The following GRID1 variants were observed in gnomAD, a reference collection of about 807,000 sequenced individuals.
The protein encoded by GRID1 is glutamate receptor ionotropic, delta-1.
GRID1 carries 28 observed loss-of-function variants against 98.0 expected under a neutral mutation model. The ratio of observed to expected loss-of-function variants is 0.29; its 90% CI spans 0.21 to 0.39. The LOEUF (loss-of-function observed/expected upper bound fraction) is 0.39. Among genes scored for constraint, GRID1 ranks in the 10% least tolerant of loss-of-function variants. The probability of loss-of-function intolerance (pLI) is 1.00; values close to 1 mark genes in which losing one functional copy is unlikely to be tolerated. For synonymous variants in GRID1, 553 were observed against 538.5 expected (o/e 1.03, Z -0.37); for missense variants, 1,111 against 1,340.5 (o/e 0.83, Z 2.67).
chr10:86,206,233 C>T lies in GRID1; in HGVS notation c.520+131G>A. 2 of 737,266 alleles carry T rather than the reference C, an allele frequency of 2.7e-6. No individual in the cohort carries two copies. The highest frequency in any genetic ancestry group is 4.3e-6 in the Non-Finnish European group (2 of 462,684). 45.7% of individuals were successfully genotyped at this position (737,266 alleles called of 1,614,324 possible). ...CTGACTCATGAAGCTCGAGGTTTGA[C>T]CCTATCACCTGGAGGCCCACTCAGC... On this transcript the variant is annotated intron_variant, in intron 3 of 15. Transcript: ENST00000327946. This position sits in a 1 kb window ranked among gnomAD's most constrained non-coding sequence, Gnocchi z 4.1.
intron 12 of GRID1, chr10:85,649,950 C>G (rs1170712442): frequency 6.6e-6 from 1 of 152,352 alleles, no homozygotes; most frequent in Admixed American, 6.5e-5. Context: ...TCTCTCCCAT[C>G]TCAGACATGC....
At chr10:86,223,801 C>T (rs1846297019) in intron 2 of GRID1, among the ~76,000 whole-genome samples, 2 of 152,226 alleles carry the variant, frequency 1.3e-5, no homozygotes, top group South Asian at 4.1e-4. Flanking sequence ...GACGAAGGAC[C>T]AGCAGGTGAT....
chr10:86,300,943 T>C (rs574771517), intron 2 of GRID1, among the ~76,000 whole-genome samples: 1 of 152,210 alleles, frequency 6.6e-6, no homozygotes, highest in South Asian at 2.1e-4. Flanking sequence ...AGTGGGAGCT[T>C]TGGAAGCAGA....
chr10:86,080,426 G>T (rs1194231925), intron 4 of GRID1, among the ~76,000 whole-genome samples: 1 of 18,336 alleles, frequency 5.5e-5, no homozygotes, highest in Non-Finnish European at 1.2e-4. Context: ...GGGGAGGGGA[G>T]GGGAGGGGAG....
At chr10:85,960,182 G>A (rs906531419) in intron 4 of GRID1, among the ~76,000 whole-genome samples, 1 of 152,206 alleles carries the variant, frequency 6.6e-6, no homozygotes, top group African/African-American at 2.4e-5. Flanking sequence ...TTACAGGTGT[G>A]AGCCACCACG....
intron 12 of GRID1, among the ~76,000 whole-genome samples, chr10:85,668,176 G>C (rs1335051567): frequency 2.0e-5 from 3 of 152,224 alleles, no homozygotes; most frequent in Non-Finnish European, 2.9e-5. Context: ...CTCGGAGAGG[G>C]ATCCCAGGGA....
At chr10:86,355,464 C>A (rs998719034) in intron 2 of GRID1, among the ~76,000 whole-genome samples, 2 of 152,208 alleles carry the variant, frequency 1.3e-5, no homozygotes, top group Admixed American at 1.3e-4. Flanking sequence ...TGTCCCACAC[C>A]TGGGTGGAGG....
chr10:85,638,038 GAAAGA>G (rs1843071155), intron 13 of GRID1, among the ~76,000 whole-genome samples: 1 of 152,046 alleles, frequency 6.6e-6, no homozygotes, highest in Non-Finnish European at 1.5e-5. Flanking sequence ...CTTATATTAG[GAAAGA>G]AAACAAGTGT....
At chr10:85,760,641 G>T (rs1048535555) in intron 8 of GRID1, among the ~76,000 whole-genome samples, 4 of 152,184 alleles carry the variant, frequency 2.6e-5, no homozygotes, top group African/African-American at 9.7e-5. Context: ...GTATTGGCTA[G>T]TGAGACAGAA....
At chr10:85,658,065 C>T (rs1840922880) in intron 12 of GRID1, among the ~76,000 whole-genome samples, 1 of 152,202 alleles carries the variant, frequency 6.6e-6, no homozygotes, top group Non-Finnish European at 1.5e-5. Flanking sequence ...GAGGCTGTCA[C>T]AAATGTGTCT....
chr10:85,667,651 T>TTAAG (rs1009957120), intron 12 of GRID1, among the ~76,000 whole-genome samples: 25 of 152,204 alleles, frequency 1.6e-4, no homozygotes, highest in Admixed American at 1.3e-3. Context: ...CTCCTGCACT[T>TTAAG]TAAGTTCATG....
intron 4 of GRID1, among the ~76,000 whole-genome samples, chr10:86,119,702 T>A (rs947443327): frequency 6.6e-6 from 1 of 152,190 alleles, no homozygotes. Context: ...ATCTAGGGCA[T>A]CCTGTTTCCT....
At chr10:86,328,437 G>A (rs35926391) in intron 2 of GRID1, among the ~76,000 whole-genome samples, 1 of 152,154 alleles carries the variant, frequency 6.6e-6, no homozygotes, top group Non-Finnish European at 1.5e-5. Flanking sequence ...TGAGTGAATG[G>A]TATGCGCTCA....
At chr10:86,196,471 C>A (rs1056312847) in intron 3 of GRID1, among the ~76,000 whole-genome samples, 1 of 152,044 alleles carries the variant, frequency 6.6e-6, no homozygotes. Context: ...TTTTTATTAT[C>A]CCCACTACTA....
chr10:86,234,833 A>C (rs944435106), intron 2 of GRID1, among the ~76,000 whole-genome samples: 3 of 152,158 alleles, frequency 2.0e-5, no homozygotes, highest in Non-Finnish European at 4.4e-5. Flanking sequence ...TACTGGCGAC[A>C]CAGGGAGCCA....
At chr10:85,858,159 C>A (rs1230055002) in intron 6 of GRID1, among the ~76,000 whole-genome samples, 1 of 152,188 alleles carries the variant, frequency 6.6e-6, no homozygotes, top group East Asian at 1.9e-4. Flanking sequence ...ACTGTCCTGT[C>A]CCCCAGCTCT....
chr10:86,316,735 C>T (rs941246353), intron 2 of GRID1, among the ~76,000 whole-genome samples: 5 of 152,354 alleles, frequency 3.3e-5, no homozygotes, highest in South Asian at 2.1e-4. Context: ...CACTCCTGGG[C>T]GCTGCTCACC....
intron 4 of GRID1, among the ~76,000 whole-genome samples, chr10:86,091,097 T>G (rs1589367958): frequency 6.6e-6 from 1 of 152,112 alleles, no homozygotes; most frequent in Non-Finnish European, 1.5e-5. Flanking sequence ...ATTCTCTAGC[T>G]GAACTTTTTA....
At chr10:86,199,230 C>T (rs79422566) in intron 3 of GRID1, among the ~76,000 whole-genome samples, 3,425 of 152,194 alleles carry the variant, frequency 0.023, 78 homozygotes, top group Non-Finnish European at 0.031. Context: ...CAAAGCAACA[C>T]CCACGTCACC....
Sources: gnomAD v4.1 joint callset for allele counts (sites outside exome capture counted in the v4.1 genomes callset) on GRCh38, gnomAD v4.1.1 for gene constraint, Gnocchi (gnomAD v3.1) non-coding constraint, MANE v1.5 for transcripts, NCBI Gene and HGNC (gene_info 2026-07-23, HGNC 2026-07-21) for gene names.